PRH1: variants seen among roughly 807,000 people sequenced by gnomAD.
PRH1 encodes salivary acidic proline-rich phosphoprotein 1/2.
PRH1 carries 7 observed loss-of-function variants against 7.9 expected under a neutral mutation model. The observed-to-expected ratio is 0.89, with a 90% CI of 0.50 to 1.67. PRH1 has a LOEUF of 1.67. PRH1 is among the 40% of genes most tolerant of loss of function. The pLI is 0.00. For missense variants in PRH1, 109 were observed against 223.6 expected, an observed-to-expected ratio of 0.49 and a Z score of 3.27; for synonymous variants, 45 against 80.8, an observed-to-expected ratio of 0.56 and a Z score of 2.38.
chr12:11,092,127 A>G (rs1944935929), intron 1 of PRH1: 1 of 1,439,136 alleles, frequency 6.9e-7, no homozygotes. Flanking sequence ...CTCTTGAACC[A>G]CTCAATGGAA....
At chr12:11,107,685 A>G (rs993057892) in intron 1 of PRH1, among the ~76,000 whole-genome samples, 2 of 152,258 alleles carry the variant, frequency 1.3e-5, no homozygotes, top group African/African-American at 4.8e-5. Context: ...TGGTACTCGC[A>G]TTAGGGTAGA....
At chr12:10,949,957 A>G (rs559497358) in intron 2 of PRH1, among the ~76,000 whole-genome samples, 13 of 152,258 alleles carry the variant, frequency 8.5e-5, no homozygotes, top group African/African-American at 3.1e-4. Context: ...ATTTTTGCAA[A>G]CTTCATATAA....
At chr12:11,137,329 T>C (rs1269114760) in intron 1 of PRH1, among the ~76,000 whole-genome samples, 1 of 152,176 alleles carries the variant, frequency 6.6e-6, no homozygotes, top group Non-Finnish European at 1.5e-5. Context: ...GAACTTTTAT[T>C]CCCATGGAAA....
At chr12:10,986,979 T>G in intron 1 of PRH1, 1 of 703,570 alleles carries the variant, frequency 1.4e-6, no homozygotes, top group Non-Finnish European at 2.2e-6. Context: ...AACATTCTTT[T>G]TACTTTTAAA....
intron 1 of PRH1, among the ~76,000 whole-genome samples, chr12:11,003,479 T>C (rs1440539209): frequency 1.3e-5 from 2 of 152,048 alleles, no homozygotes; most frequent in Non-Finnish European, 2.9e-5. Flanking sequence ...CCCTTTTGTT[T>C]CCTCCCTCCC....
At chr12:10,954,343 T>C (rs531539963) in intron 2 of PRH1, among the ~76,000 whole-genome samples, 34 of 152,298 alleles carry the variant, frequency 2.2e-4, no homozygotes, top group African/African-American at 8.2e-4. Flanking sequence ...CAAGACGCAA[T>C]GGTATAGTGT....
At chr12:11,171,506 G>C (rs990374960), upstream of PRH1, 2 of 1,232,178 alleles carry the variant, frequency 1.6e-6, no homozygotes, top group African/African-American at 3.1e-5. Context: ...TGAACTTCCC[G>C]TACTTCTACG....
upstream of PRH1, among the ~76,000 whole-genome samples, chr12:11,050,523 A>C (rs1943099774): frequency 6.6e-6 from 1 of 152,210 alleles, no homozygotes; most frequent in Non-Finnish European, 1.5e-5. Flanking sequence ...TGCTGCAGAG[A>C]TTTTATTTAT....
intron 1 of PRH1, among the ~76,000 whole-genome samples, chr12:11,127,592 T>C (rs956158466): frequency 2.0e-5 from 3 of 152,042 alleles, no homozygotes; most frequent in African/African-American, 7.2e-5. Flanking sequence ...AACTTATTGT[T>C]AACAAGCTCA....
chr12:10,916,557 A>C (rs1328979493), intron 2 of PRH1, among the ~76,000 whole-genome samples: 2 of 152,222 alleles, frequency 1.3e-5, no homozygotes, highest in East Asian at 3.9e-4. Flanking sequence ...CAACCACATA[A>C]ACTGTCATGT....
At chr12:11,005,823 A>T (rs2136029503) in intron 1 of PRH1, 1 of 152,232 alleles carries the variant, frequency 6.6e-6, no homozygotes, top group South Asian at 2.1e-4. Context: ...TATTCTCTCG[A>T]ATCTAGCTAA....
intron 1 of PRH1, among the ~76,000 whole-genome samples, chr12:10,991,934 A>C (rs1939955019): frequency 6.6e-6 from 1 of 152,214 alleles, no homozygotes; most frequent in Non-Finnish European, 1.5e-5. Flanking sequence ...CAAATGTCAG[A>C]TTTAATGGAG....
intron 1 of PRH1, among the ~76,000 whole-genome samples, chr12:11,165,687 G>T (rs1947553824): frequency 8.0e-6 from 1 of 124,834 alleles, no homozygotes; most frequent in Non-Finnish European, 1.8e-5. Context: ...CTCAAAAATG[G>T]GCTGCCTTCT....
At chr12:10,917,692 T>C (rs1231904386) in intron 2 of PRH1, among the ~76,000 whole-genome samples, 1 of 152,164 alleles carries the variant, frequency 6.6e-6, no homozygotes, top group Non-Finnish European at 1.5e-5. Context: ...CAGTCCCCAA[T>C]TAGGAGACTA....
chr12:10,977,316 C>T (rs771704679), intron 1 of PRH1, among the ~76,000 whole-genome samples: 4 of 152,136 alleles, frequency 2.6e-5, no homozygotes, highest in Admixed American at 1.3e-4. Context: ...TAACGAAAAT[C>T]GCATTATCAT....
intron 2 of PRH1, among the ~76,000 whole-genome samples, chr12:10,906,711 T>C (rs1253714021): frequency 6.6e-6 from 1 of 152,172 alleles, no homozygotes; most frequent in Non-Finnish European, 1.5e-5. Context: ...ACTGCCACCA[T>C]GTAAGACGTG....
At chr12:10,973,031 T>C (rs909366789) in intron 2 of PRH1, among the ~76,000 whole-genome samples, 6 of 149,694 alleles carry the variant, frequency 4.0e-5, no homozygotes, top group Admixed American at 3.4e-4. Flanking sequence ...TCATGTAGGT[T>C]GAAAAGTCCT....
intron 1 of PRH1, among the ~76,000 whole-genome samples, chr12:11,123,683 T>C (rs1233293856): frequency 6.6e-6 from 1 of 151,622 alleles, no homozygotes; most frequent in Admixed American, 6.6e-5. Flanking sequence ...ATTCCAACTG[T>C]AGCATGAATT....
At chr12:10,922,802 T>G (rs935379412) in intron 2 of PRH1, among the ~76,000 whole-genome samples, 2 of 149,906 alleles carry the variant, frequency 1.3e-5, no homozygotes, top group Non-Finnish European at 3.0e-5. Context: ...TCATGATTAT[T>G]GCATCTTTTC....
Sources: allele counts gnomAD v4.1 joint callset (sites outside exome capture counted in the v4.1 genomes callset), GRCh38; gene constraint gnomAD v4.1.1; transcripts MANE v1.5; gene names NCBI Gene and HGNC (gene_info 2026-07-23, HGNC 2026-07-21).